The following OR6P1 variants were observed in gnomAD, a reference collection of about 807,000 sequenced individuals.
The protein encoded by OR6P1 is olfactory receptor family 6 subfamily P member 1.
OR6P1 carries 5 observed loss-of-function variants against 6.6 expected under a neutral mutation model. The observed-to-expected ratio is 0.76, with a 90% confidence interval of 0.40 to 1.60. OR6P1 has a LOEUF of 1.60. Among genes scored for constraint, OR6P1 ranks in the 40% most tolerant of loss-of-function variants. The probability of loss-of-function intolerance (pLI) is 0.02; values close to 1 mark genes in which losing one functional copy is unlikely to be tolerated. For synonymous variants in OR6P1, 177 were observed against 149.6 expected (o/e 1.18, Z -1.33); for missense variants, 451 against 383.0 (o/e 1.18, Z -1.48).
chr1:158,566,586 C>T (rs1360790154), intron 2 of OR6P1, among the ~76,000 whole-genome samples, 178 bp downstream of exon 2: 1 of 152,188 alleles, frequency 6.6e-6, no homozygotes, highest in Non-Finnish European at 1.5e-5. Flanking sequence ...AGTAGCAAAT[C>T]ATAGTAGGCA....
At chr1:158,565,271 A>G (rs1272148594) in intron 2 of OR6P1, among the ~76,000 whole-genome samples, 2 of 152,166 alleles carry the variant, frequency 1.3e-5, no homozygotes, top group Non-Finnish European at 2.9e-5. Flanking sequence ...AAATGAAACT[A>G]TTAGATTACT....
chr1:158,563,836 G>C (rs1400920222), intron 2 of OR6P1, among the ~76,000 whole-genome samples: 5 of 152,028 alleles, frequency 3.3e-5, no homozygotes, highest in African/African-American at 1.2e-4. Context: ...AACTACAGTG[G>C]GTATTTGATA....
At chr1:158,568,932 G>C (rs1363984871) in intron 1 of OR6P1, among the ~76,000 whole-genome samples, 1 of 152,120 alleles carries the variant, frequency 6.6e-6, no homozygotes, top group Non-Finnish European at 1.5e-5. Context: ...TTCTAGTGAA[G>C]TTCATTGCTT....
chr1:158,563,078 TG>T lies in OR6P1; in HGVS notation c.526del (p.His176ThrfsTer22). On this transcript the variant is annotated frameshift_variant, in exon 3 of 3. Coordinates refer to ENST00000641540, the MANE Select transcript of OR6P1 (RefSeq NM_001160325.2). LOFTEE classifies it high-confidence loss of function. ...LSYCGPNIINHFFCDISPLLN... is the reference protein window; with the variant it reads ...LSYCGPNIINXFFCDISPLLN... ...TAGTGGGGAAATATCACAGAAAAAGTGGTTGATAATGTTGGGTCCACAGTAG... is the reference window on the plus strand; with the variant it reads ...TAGTGGGGAAATATCACAGAAAAAGTGTTGATAATGTTGGGTCCACAGTAG... 6.4e-7 allele frequency: 1 copy of T among 1,551,444 alleles called. No homozygotes were observed. The highest frequency in any genetic ancestry group is 8.7e-7 in the Non-Finnish European group (1 of 1,146,938).
At chr1:158,569,603 A>G (rs779353077) in intron 1 of OR6P1, among the ~76,000 whole-genome samples, 2 of 152,230 alleles carry the variant, frequency 1.3e-5, no homozygotes, top group African/African-American at 2.4e-5. Context: ...GTCTCTATCT[A>G]TAAGGCATAT....
chr1:158,568,865 C>A (rs559073296), intron 1 of OR6P1, among the ~76,000 whole-genome samples: 1 of 152,252 alleles, frequency 6.6e-6, no homozygotes, highest in East Asian at 1.9e-4. Context: ...TATGGGGTAG[C>A]TATGTACCTT....
Position 158,561,581 on chromosome 1 carries a change from A to G in OR6P1, c.*1070T>C, listed in dbSNP as rs1647953364. 6.6e-6 allele frequency: 1 copy of G among 152,206 alleles called. No individual in the cohort carries two copies. Among genetic ancestry groups the G allele is most frequent in the Non-Finnish European group, 1.5e-5 (1 of 68,020 alleles). 9.4% of individuals were successfully genotyped at this position (152,206 alleles called of 1,614,324 possible). A position where few individuals can be genotyped will look rare whatever the true frequency, so the allele number is the denominator to read the frequency against. ...TCACATATCCCACATCTAAATAATC[A>G]TTGAATTTGGTTCAATATGCAGAAA... is the stretch of plus-strand genomic sequence containing the variant. On this transcript the variant is annotated 3_prime_UTR_variant, in exon 3 of 3. Transcript: ENST00000641540.
chr1:158,568,567 G>A (rs1648154681), intron 1 of OR6P1, among the ~76,000 whole-genome samples: 1 of 152,074 alleles, frequency 6.6e-6, no homozygotes, highest in Admixed American at 6.6e-5. Flanking sequence ...CTCTTTATGG[G>A]TTGGTCTTCT....
Position 158,560,838 on chromosome 1 carries a change from T to C in OR6P1, c.*1813A>G, listed in dbSNP as rs1647935066. 6.6e-6 allele frequency: 1 copy of C among 152,236 alleles called. No individual in the cohort carries two copies. Among genetic ancestry groups the C allele is most frequent in the Non-Finnish European group, 1.5e-5 (1 of 68,026 alleles). 9.4% of individuals were successfully genotyped at this position (152,236 alleles called of 1,614,324 possible). On this transcript the variant is annotated 3_prime_UTR_variant, in exon 3 of 3. Coordinates refer to ENST00000641540, the MANE Select transcript of OR6P1 (RefSeq NM_001160325.2). ...CAAAAGACATGCCAAGTTACAAAAG[T>C]AGCTTGAAGCTATTATTTCCCACTA... is the stretch of plus-strand genomic sequence containing the variant.
chr1:158,563,512 A>G lies in OR6P1; in HGVS notation c.93T>C (p.Phe31=). ...ACAATGTCAGAAGGTAAATTGCAAA[A>G]AAAAGGACAAAGAGGAGCAGCTGGA... ...PPLQLLLFVL[F]FAIYLLTLLE... The change falls in exon 3 of 3, where the codon TTT becomes TTC. Residue 31 remains phenylalanine (F), a synonymous_variant. Transcript: ENST00000641540. 1 of 1,551,610 alleles carries G rather than the reference A, an allele frequency of 6.4e-7. No homozygotes were observed. The highest frequency in any genetic ancestry group is 1.4e-5 in the African/African-American group (1 of 73,156).
chr1:158,563,310 T>G lies in OR6P1; in HGVS notation c.295A>C (p.Thr99Pro). Residue 99 changes from threonine (T) to proline (P), a missense_variant, in exon 3 of 3, where the codon ACC becomes CCC. Transcript: ENST00000641540. ...AAGGCAATAAAGAAGTACAGTTGGG[T>G]CATGCAACCTACGTAGGAGACTCTA... is the stretch of plus-strand genomic sequence containing the variant. ...DGRVSYVGCM[T>P]QLYFFIALAC... 1 of 1,551,238 alleles carries G rather than the reference T, an allele frequency of 6.4e-7. No individual in the cohort carries two copies. The highest frequency in any genetic ancestry group is 8.7e-7 in the Non-Finnish European group (1 of 1,146,866).
At chr1:158,567,814 A>AATAAATAAATAAATAC in intron 1 of OR6P1, among the ~76,000 whole-genome samples, 1 of 151,806 alleles carries the variant, frequency 6.6e-6, no homozygotes, top group South Asian at 2.1e-4. Flanking sequence ...TAAATAAATA[A>AATAAATAAATAAATAC]ATAAAACTAA....
In OR6P1 at chr1:158,563,587, T is replaced by C. The variant is rs576264574; in HGVS notation, c.18A>G (p.Gly6=). The part of the protein sequence containing the change: MRNLS[G]GHVEEFVLVG... ...CCAAGACAAACTCCTCGACATGGCC[T>C]CCACTCAAATTTCTCATGGCTCTCT... The change falls in exon 3 of 3, where the codon GGA becomes GGG. Residue 6 remains glycine (G), a synonymous_variant. Transcript: ENST00000641540. 3 of 1,540,472 alleles carry C rather than the reference T, an allele frequency of 1.9e-6. No homozygotes were observed. In the South Asian group the frequency reaches 3.7e-5, roughly 19 times the overall value.
At chr1:158,568,928 T>G (rs1338355833) in intron 1 of OR6P1, among the ~76,000 whole-genome samples, 1 of 152,206 alleles carries the variant, frequency 6.6e-6, no homozygotes, top group Non-Finnish European at 1.5e-5. Flanking sequence ...TCTATTCTAG[T>G]GAAGTTCATT....
At position 158,562,858 on chromosome 1, in the gene OR6P1, A is replaced by G. The variant is rs1165657333; in HGVS notation, c.747T>C (p.Val249=). Residue 249 remains valine, a synonymous_variant, in exon 3 of 3, where the codon GTT becomes GTC. Coordinates refer to ENST00000641540, the MANE Select transcript of OR6P1 (RefSeq NM_001160325.2). The part of the protein sequence containing the change: ...STCAAHLAVV[V]IYYSSTLFTY... ...TGAAGAGAGTGGAGGAGTAGTAGAT[A>G]ACAACCACTGCCAGATGAGCGGCAC... The G allele has an allele frequency of 9.7e-6, 15 of 1,551,916 alleles. No individual in the cohort carries two copies. The highest frequency in any genetic ancestry group is 1.3e-5 in the Non-Finnish European group (15 of 1,147,090).
At chr1:158,569,086 T>C (rs2101719426) in intron 1 of OR6P1, among the ~76,000 whole-genome samples, 1 of 152,322 alleles carries the variant, frequency 6.6e-6, no homozygotes, top group South Asian at 2.1e-4. Context: ...GTGAAATAGT[T>C]CTGCTGCCAC....
In OR6P1 at chr1:158,570,503, A is replaced by G. The variant is rs1409869352; in HGVS notation, c.-179T>C. The G allele has an allele frequency of 6.6e-6, 1 of 152,202 alleles. No individual in the cohort carries two copies. The highest frequency in any genetic ancestry group is 1.5e-5 in the Non-Finnish European group (1 of 68,032). 9.4% of individuals were successfully genotyped at this position (152,202 alleles called of 1,614,324 possible). A position where few individuals can be genotyped will look rare whatever the true frequency, so the allele number is the denominator to read the frequency against. On this transcript the variant is annotated 5_prime_UTR_variant, in exon 1 of 3. An upstream start codon of the reference 5' UTR is lost. Transcript: ENST00000641540. ...ACTTCTTTGCTTGCCTGTCTTCCAC[A>G]TTCACACATATACCCTGCCTTTTGA...
intron 2 of OR6P1, among the ~76,000 whole-genome samples, chr1:158,566,316 G>A (rs1648095091): frequency 6.6e-6 from 1 of 152,164 alleles, no homozygotes; most frequent in South Asian, 2.1e-4. Context: ...TTTGGAAACA[G>A]TGACTTTAAT....
Position 158,563,068 on chromosome 1 carries a change from A to T in OR6P1, c.537T>A (p.Cys179Ter). 6.4e-7 allele frequency: 1 copy of T among 1,551,810 alleles called. No homozygotes were observed. Among genetic ancestry groups the T allele is most frequent in the South Asian group, 1.2e-5 (1 of 84,060 alleles). The change falls in exon 3 of 3, where the codon TGT (cysteine) becomes TGA (stop). Residue 179 changes from cysteine to a stop codon, truncating the protein, a stop_gained. Coordinates refer to ENST00000641540, the MANE Select transcript of OR6P1 (RefSeq NM_001160325.2). LOFTEE classifies it high-confidence loss of function. ...CGPNIINHFFCDISPLLNLTC... is the reference protein window; with the variant it reads ...CGPNIINHFF ...TGAGGTTGAGTAGTGGGGAAATATC[A>T]CAGAAAAAGTGGTTGATAATGTTGG... is the stretch of plus-strand genomic sequence containing the variant.
Sources: allele counts gnomAD v4.1 joint callset (sites outside exome capture counted in the v4.1 genomes callset), GRCh38; gene constraint gnomAD v4.1.1; transcripts MANE v1.5; gene names NCBI Gene and HGNC (gene_info 2026-07-23, HGNC 2026-07-21).